Variants in PPM1F observed in about 807,000 individuals in gnomAD.
PPM1F encodes protein phosphatase 1F.
In PPM1F, 17 loss-of-function variants were observed where a neutral mutation model predicts 35.5. The observed-to-expected ratio is 0.48, with a 90% CI of 0.33 to 0.72. PPM1F has a LOEUF of 0.72. Ranked by LOEUF, PPM1F falls within the 30% of genes least tolerant of loss-of-function variation. The pLI is 0.02. For missense variants in PPM1F, 521 were observed against 613.0 expected (o/e 0.85, Z 1.59); for synonymous variants, 241 against 255.5 (o/e 0.94, Z 0.54).
At chr22:21,925,832 A>G (rs2070507739) in intron 6 of PPM1F, 170 bp from the exon 7 acceptor site, 2 of 510,888 alleles carry the variant, frequency 3.9e-6, no homozygotes, top group Non-Finnish European at 6.9e-6. Flanking sequence ...GCTCATCAAA[A>G]ACAGTGAGAA....
chr22:21,938,201 C>A, intron 3 of PPM1F: 1 of 1,303,356 alleles, frequency 7.7e-7, no homozygotes, highest in Non-Finnish European at 1.0e-6. Flanking sequence ...CGCTCCTTCT[C>A]ACCGGCAGGT....
At position 21,921,989 on chromosome 22, in the gene PPM1F, A is replaced by T. The variant is rs1473900889; in HGVS notation, c.*1103T>A. The T allele has an allele frequency of 6.6e-6, 1 of 152,170 alleles. No individual in the cohort carries two copies. Among genetic ancestry groups the T allele is most frequent in the Admixed American group, 6.5e-5 (1 of 15,268 alleles). The allele number at this position is 152,170 out of a possible 1,614,324, so 9.4% of individuals were successfully genotyped here. ...CACCTGGGCAGCGGGGGGAGGGGAG[A>T]ACCTTGGGGGTGTTCAGCATCACAA... is the stretch of plus-strand genomic sequence containing the variant. On this transcript the variant is annotated 3_prime_UTR_variant, in exon 8 of 8. Coordinates refer to ENST00000263212, the MANE Select transcript of PPM1F (RefSeq NM_014634.4).
intron 3 of PPM1F, chr22:21,938,091 G>C: frequency 7.8e-7 from 1 of 1,288,272 alleles, no homozygotes; most frequent in Non-Finnish European, 1.0e-6. Context: ...GACAGACGGG[G>C]AAGCAAGGGC....
chr22:21,930,529 G>A (rs377680397), intron 6 of PPM1F, among the ~76,000 whole-genome samples: 119 of 152,334 alleles, frequency 7.8e-4, no homozygotes, highest in African/African-American at 2.6e-3. Flanking sequence ...ATGTGCTGAC[G>A]TAGAATTATC....
Position 21,926,378 on chromosome 22 carries a change from C to T in PPM1F, c.892-716G>A, listed in dbSNP as rs186883719. Among the ~76,000 whole-genome samples the T allele has an allele frequency of 1.2e-3, 190 of 152,166 alleles. 1 individual carries two copies. Among genetic ancestry groups the T allele is most frequent in the Non-Finnish European group, 2.6e-4 (18 of 67,994 alleles). ...CGATCTCCTGACCTCATGATCCACC[C>T]TCCTCGGCTTCCCAAAGTGCTGGGA... On this transcript the variant is annotated intron_variant, in intron 6 of 7. Coordinates refer to ENST00000263212, the MANE Select transcript of PPM1F (RefSeq NM_014634.4).
Position 21,931,152 on chromosome 22 carries a change from C to T in PPM1F, c.887G>A (p.Arg296Gln), listed in dbSNP as rs1318162463. 22 of 1,614,074 alleles carry T rather than the reference C, an allele frequency of 1.4e-5. No individual in the cohort carries two copies. Among genetic ancestry groups the T allele is most frequent in the East Asian group, 8.9e-5 (4 of 44,872 alleles). Residue 296 changes from arginine to glutamine, a missense_variant, in exon 6 of 8, where the codon CGG (arginine) becomes CAG (glutamine). By Grantham distance (43) the Arg-to-Gln change is conservative. Around this residue, in one of 3 missense-constraint regions of PPM1F, gnomAD observed 47 missense variants for 92.0 expected, o/e 0.51. Transcript: ENST00000263212. ...VKLMEPHRPERQDEKARIEAL... is the reference protein window; with the variant it reads ...VKLMEPHRPEQQDEKARIEAL... ...TGGGCGCAGGGATCCCCTTACCTGC[C>T]GTTCTGGTCTGTGTGGCTCCATCAG...
At chr22:21,923,679 CCTTTTTTT>C (rs1463441604) in intron 7 of PPM1F, among the ~76,000 whole-genome samples, 1 of 150,866 alleles carries the variant, frequency 6.6e-6, no homozygotes, top group East Asian at 2.1e-4. Context: ...GTGAGCTCCC[CCTTTTTTT>C]CTTTTTTCTT....
At chr22:21,945,497 G>T in intron 2 of PPM1F, 1 of 287,330 alleles carries the variant, frequency 3.5e-6, no homozygotes, top group Non-Finnish European at 6.7e-6. Flanking sequence ...AGGCCAGCTA[G>T]GAGGAATGAG....
Position 21,939,799 on chromosome 22 carries a change from C to T in PPM1F, c.207-119G>A. The T allele has an allele frequency of 1.7e-6, 2 of 1,196,562 alleles. No individual in the cohort carries two copies. The highest frequency in any genetic ancestry group is 2.3e-6 in the Non-Finnish European group (2 of 860,256). The allele number at this position is 1,196,562 out of a possible 1,614,324, so 74.1% of individuals were successfully genotyped here. The stretch of plus-strand genomic sequence containing the variant: ...CACGGCCAGCAGGGCGGCCCCTGTC[C>T]TCAGGGAGCTGGGACAGGAAGGTCA... On this transcript the variant is annotated intron_variant, in intron 2 of 7. Transcript: ENST00000263212. This position sits in a 1 kb window ranked among gnomAD's most constrained non-coding sequence, Gnocchi z 5.1.
chr22:21,924,572 C>CTT (rs767735875), intron 7 of PPM1F, among the ~76,000 whole-genome samples: 54 of 116,752 alleles, frequency 4.6e-4, no homozygotes, highest in Non-Finnish European at 6.6e-4. Flanking sequence ...CGCCCAGCTA[C>CTT]TTTTTTTTTT....
chr22:21,937,297 G>C (rs2145800724), intron 3 of PPM1F: 1 of 152,642 alleles, frequency 6.6e-6, no homozygotes, highest in Non-Finnish European at 1.5e-5. Flanking sequence ...ATGCACGCAG[G>C]AGGTCACAGA....
At chr22:21,943,868 C>T (rs2070751165) in intron 2 of PPM1F, 2 of 152,396 alleles carry the variant, frequency 1.3e-5, no homozygotes, top group Admixed American at 1.3e-4. Context: ...CCATCTGATC[C>T]CCAGCTTGGG....
chr22:21,927,937 GTTTT>G lies in PPM1F; in HGVS notation c.892-2279_892-2276del, dbSNP rs2070536554. On this transcript the variant is annotated intron_variant, in intron 6 of 7. Transcript: ENST00000263212. ...TCACTGATTCTTGATTCTGTTTTTT[GTTTT>G]GTTTTTTTTTTTTTTTTTTTTTTTT... Among the ~76,000 whole-genome samples the G allele has an allele frequency of 1.6e-4, 11 of 68,108 alleles. No homozygotes were observed. In the South Asian group the frequency reaches 5.8e-3, roughly 36 times the overall value. The allele number at this position is 68,108 out of a possible 152,430, so 44.7% of individuals were successfully genotyped here. A position where few individuals can be genotyped will look rare whatever the true frequency, so the allele number is the denominator to read the frequency against.
rs1387916281 is a variant in PPM1F, at chr22:21,922,087, A to G, written c.*1005T>C. On this transcript the variant is annotated 3_prime_UTR_variant, in exon 8 of 8. Transcript: ENST00000263212. ...CTAACAAAACAAATCCTGCTTTTCT[A>G]AAAACCTCAATGGGCCTATCCGAGC... The G allele has an allele frequency of 6.6e-6, 1 of 152,602 alleles. No homozygotes were observed. The highest frequency in any genetic ancestry group is 2.4e-5 in the African/African-American group (1 of 41,464). The allele number at this position is 152,602 out of a possible 1,614,324, so 9.5% of individuals were successfully genotyped here.
chr22:21,927,946 T>TG (rs1221375656), intron 6 of PPM1F, among the ~76,000 whole-genome samples: 1,069 of 53,034 alleles, frequency 0.02, 10 homozygotes, highest in African/African-American at 0.065. Flanking sequence ...TGTTTTGTTT[T>TG]TTTTTTTTTT....
rs760311845 is a variant in PPM1F, at chr22:21,920,611, C to G, written c.*2481G>C. 1 of 152,362 alleles carries G rather than the reference C, an allele frequency of 6.6e-6. No homozygotes were observed. The highest frequency in any genetic ancestry group is 1.5e-5 in the Non-Finnish European group (1 of 68,166). 9.4% of individuals were successfully genotyped at this position (152,362 alleles called of 1,614,324 possible). A position where few individuals can be genotyped will look rare whatever the true frequency, so the allele number is the denominator to read the frequency against. ...GCTGGCACCAGACCTCTGCCAGGCA[C>G]GGGGCATGGCCATCCTCTGGGGTCC... On this transcript the variant is annotated 3_prime_UTR_variant, in exon 8 of 8. Coordinates refer to ENST00000263212, the MANE Select transcript of PPM1F (RefSeq NM_014634.4).
At chr22:21,936,824 G>C (rs5750245) in intron 3 of PPM1F, 6,519 of 152,342 alleles carry the variant, frequency 0.043, 318 homozygotes, top group East Asian at 0.22. Flanking sequence ...AACCAGCTAA[G>C]CTGCTCCCAG....
Position 21,923,038 on chromosome 22 carries a change from A to AG in PPM1F, c.*53dup. On this transcript the variant is annotated 3_prime_UTR_variant, in exon 8 of 8. Coordinates refer to ENST00000263212, the MANE Select transcript of PPM1F (RefSeq NM_014634.4). ...CACCTGTTGGGTCCTGAGGCTTCTGAGGGAGAGAAGGACAAGGATGGGAGG... is the reference window on the plus strand; with the variant it reads ...CACCTGTTGGGTCCTGAGGCTTCTGAGGGGAGAGAAGGACAAGGATGGGAGG... The AG allele has an allele frequency of 6.5e-7, 1 of 1,537,888 alleles. No individual in the cohort carries two copies. The highest frequency in any genetic ancestry group is 8.7e-7 in the Non-Finnish European group (1 of 1,145,166).
rs991334228 is a variant in PPM1F, at chr22:21,928,456, T to C, written c.891+2692A>G. ...CTTGTCCTCCAGTGGCCTGATCACT[T>C]CAGAAGCTTCTAGTGAGTCCTTACA... On this transcript the variant is annotated intron_variant, in intron 6 of 7. Transcript: ENST00000263212. 5.3e-5 allele frequency among the ~76,000 whole-genome samples: 8 copies of C among 152,220 alleles called. No homozygotes were observed. In the East Asian group the frequency reaches 1.3e-3, roughly 26 times the overall value.
Sources: gnomAD v4.1 joint callset for allele counts (sites outside exome capture counted in the v4.1 genomes callset) on GRCh38, gnomAD v4.1.1 for gene constraint, gnomAD v4.1.1 regional missense constraint, Gnocchi (gnomAD v3.1) non-coding constraint, MANE v1.5 for transcripts, NCBI Gene and HGNC (gene_info 2026-07-23, HGNC 2026-07-21) for gene names.